PANK2: variants seen among roughly 807,000 people sequenced by gnomAD.
The protein encoded by PANK2 is pantothenate kinase 2.
Under a neutral mutation model 43.1 loss-of-function variants are expected in PANK2, and 36 were observed. The observed-to-expected ratio is 0.84, with a 90% confidence interval of 0.64 to 1.10. The LOEUF (loss-of-function observed/expected upper bound fraction) is 1.10, where lower values mean the gene tolerates loss of function less well. PANK2 is among the 50% of genes least tolerant of loss of function. The pLI, the probability that PANK2 is intolerant of heterozygous loss-of-function variation, is 0.00. For missense variants in PANK2, 576 were observed against 593.3 expected (o/e 0.97, Z 0.30); for synonymous variants, 281 against 238.2 (o/e 1.18, Z -1.66).
In PANK2 at chr20:3,910,634, T is replaced by C. The variant is rs761920040; in HGVS notation, c.709T>C (p.Leu237=). ...ACTAGATTGCTTGATCAAAGGAATT[T>C]TATACATTGACTCAGTCGGATTCAA... is the stretch of plus-strand genomic sequence containing the variant. Residue 237 remains leucine (L), a synonymous_variant, in exon 3 of 7, where the codon TTA becomes CTA. Coordinates refer to ENST00000610179, the MANE Select transcript of PANK2 (RefSeq NM_001386393.1). The C allele has an allele frequency of 1.2e-6, 2 of 1,614,148 alleles. No individual in the cohort carries two copies. The highest frequency in any genetic ancestry group is 1.7e-6 in the Non-Finnish European group (2 of 1,180,008).
chr20:3,891,331 G>C (rs1600484060), intron 1 of PANK2: 1 of 152,318 alleles, frequency 6.6e-6, no homozygotes, highest in East Asian at 1.9e-4. Flanking sequence ...AAAGTGCTGG[G>C]ATATAGACGG....
chr20:3,901,484 T>G, intron 1 of PANK2: 1 of 434,874 alleles, frequency 2.3e-6, no homozygotes, highest in Non-Finnish European at 3.1e-6. Context: ...ACATTTAAAC[T>G]ATCACTTCTA....
At chr20:3,892,390 T>G (rs2090137070) in intron 1 of PANK2, among the ~76,000 whole-genome samples, 1 of 151,484 alleles carries the variant, frequency 6.6e-6, no homozygotes. Flanking sequence ...TGCCGAACCC[T>G]CCTAGAGTAT....
intron 1 of PANK2, among the ~76,000 whole-genome samples, chr20:3,897,716 G>A (rs911111632): frequency 2.0e-5 from 3 of 151,806 alleles, no homozygotes; most frequent in African/African-American, 4.8e-5. Context: ...AAACAAAAAC[G>A]AAAACAAAAC....
chr20:3,912,421 A>G, intron 3 of PANK2, 37 bp from the exon 4 acceptor site: 1 of 1,605,232 alleles, frequency 6.2e-7, no homozygotes, highest in East Asian at 2.2e-5. Flanking sequence ...TATTTTTAAA[A>G]ATGTTATAAT....
At position 3,891,407 on chromosome 20, in the gene PANK2, C is replaced by T. The variant is rs189612751; in HGVS notation, c.298+1679C>T. 246 of 152,214 alleles carry T rather than the reference C, an allele frequency of 1.6e-3. 2 individuals carry two copies. The highest frequency in any genetic ancestry group is 5.9e-3 in the African/African-American group (243 of 41,518). The allele number at this position is 152,214 out of a possible 1,614,324, so 9.4% of individuals were successfully genotyped here. A position where few individuals can be genotyped will look rare whatever the true frequency, so the allele number is the denominator to read the frequency against. On this transcript the variant is annotated intron_variant, in intron 1 of 6. Transcript: ENST00000610179. ...TTGGTAACTCATTAGCCTCGTGGCT[C>T]TGAGGTAGGTGGTAGTATTCCATTT...
At chr20:3,896,156 G>A (rs1337122323) in intron 1 of PANK2, among the ~76,000 whole-genome samples, 1 of 151,666 alleles carries the variant, frequency 6.6e-6, no homozygotes, top group Non-Finnish European at 1.5e-5. Flanking sequence ...CCTTCTCCTG[G>A]GTTCATGCCC....
chr20:3,905,967 C>A (rs368948638), intron 1 of PANK2, among the ~76,000 whole-genome samples: 31 of 152,076 alleles, frequency 2.0e-4, no homozygotes, highest in East Asian at 9.7e-4. Flanking sequence ...CTGCCCTCCT[C>A]ATCCTCCCAA....
chr20:3,916,954 G>T lies in PANK2; in HGVS notation c.1110G>T (p.Lys370Asn). ...TTGGAAACATGATGAGCAAGGAGAA[G>T]CGAGAGGCTGTCAGTAAAGAGGACC... The change falls in exon 5 of 7, where the codon AAG becomes AAT. Residue 370 changes from lysine (K) to asparagine (N), a missense_variant. By Grantham distance (94) the Lys-to-Asn change is moderately conservative. Transcript: ENST00000610179. 6.2e-7 allele frequency: 1 copy of T among 1,614,102 alleles called. No homozygotes were observed. Among genetic ancestry groups the T allele is most frequent in the Non-Finnish European group, 8.5e-7 (1 of 1,180,016 alleles).
chr20:3,889,680 A>C lies in PANK2; in HGVS notation c.250A>C (p.Thr84Pro). Residue 84 changes from threonine (T) to proline (P), a missense_variant, in exon 1 of 7, where the codon ACC (threonine) becomes CCC (proline). This residue lies in a region of PANK2 where 544 missense variants were observed against 528.9 expected (regional missense o/e 1.03). Transcript: ENST00000610179. ...TCGACTGGGCTCTTACAGCGGCCCC[A>C]CCTCGGTCTCCCGCCAGCGCGTCGA... is the stretch of plus-strand genomic sequence containing the variant. 6.3e-7 allele frequency: 1 copy of C among 1,592,604 alleles called. No homozygotes were observed. Among genetic ancestry groups the C allele is most frequent in the South Asian group, 1.1e-5 (1 of 90,226 alleles).
chr20:3,902,972 GACACAC>G (rs11468265), intron 1 of PANK2, among the ~76,000 whole-genome samples: 25,281 of 141,202 alleles, frequency 0.18, 2,233 homozygotes, highest in Middle Eastern at 0.23. Flanking sequence ...GATGTGTATA[GACACAC>G]ACACACACAC....
At chr20:3,920,869 C>T (rs2090635763) in intron 6 of PANK2, among the ~76,000 whole-genome samples, 4 of 152,032 alleles carry the variant, frequency 2.6e-5, no homozygotes, top group African/African-American at 9.7e-5. Flanking sequence ...AAACACCAAA[C>T]CGATATCATC....
rs1135401789 is a variant in PANK2, at chr20:3,910,831, G to C, written c.905+1G>C. ...ATTACAAACGGGTCACAGGTACTAGGTAAGTTGTATATAAAACTCACTGTT... is the reference window on the plus strand; with the variant it reads ...ATTACAAACGGGTCACAGGTACTAGCTAAGTTGTATATAAAACTCACTGTT... On this transcript the variant is annotated splice_donor_variant, in intron 3 of 6. Transcript: ENST00000610179. LOFTEE classifies it high-confidence loss of function. 2 of 1,613,956 alleles carry C rather than the reference G, an allele frequency of 1.2e-6. No individual in the cohort carries two copies. Among genetic ancestry groups the C allele is most frequent in the Non-Finnish European group, 1.7e-6 (2 of 1,179,982 alleles).
chr20:3,903,004 CACACA>C (rs2090327320), intron 1 of PANK2, among the ~76,000 whole-genome samples: 4 of 150,562 alleles, frequency 2.7e-5, no homozygotes, highest in African/African-American at 9.8e-5. Context: ...CACACACACA[CACACA>C]CACACACACC....
chr20:3,905,877 G>A (rs981962580), intron 1 of PANK2, among the ~76,000 whole-genome samples: 1 of 151,042 alleles, frequency 6.6e-6, no homozygotes, highest in Non-Finnish European at 1.5e-5. Context: ...CACCACGCCC[G>A]GCTAATTTTG....
intron 1 of PANK2, among the ~76,000 whole-genome samples, chr20:3,893,342 A>G (rs1205637738): frequency 6.6e-6 from 1 of 152,202 alleles, no homozygotes; most frequent in African/African-American, 2.4e-5. Context: ...ACTTTCCCTC[A>G]ACCTACCATT....
intron 1 of PANK2, among the ~76,000 whole-genome samples, chr20:3,897,009 A>T (rs925799085): frequency 3.8e-4 from 58 of 152,086 alleles, no homozygotes; most frequent in African/African-American, 1.3e-3. Context: ...GTCTTGAGGG[A>T]CTTAGCCCTC....
intron 4 of PANK2, among the ~76,000 whole-genome samples, chr20:3,913,174 C>G (rs1336620170): frequency 6.6e-6 from 1 of 151,978 alleles, no homozygotes; most frequent in East Asian, 1.9e-4. Flanking sequence ...CCCCCACAGC[C>G]CCTGCCAAAC....
chr20:3,889,504 G>A lies in PANK2; in HGVS notation c.74G>A (p.Arg25His). The change falls in exon 1 of 7, where the codon CGC (arginine) becomes CAC (histidine). Residue 25 changes from arginine to histidine, a missense_variant. Physicochemically the swap from Arg to His is conservative, Grantham distance 29. Coordinates refer to ENST00000610179, the MANE Select transcript of PANK2 (RefSeq NM_001386393.1). ...GGCCGGCTCGGCGCGCCCATGGAGC[G>A]CCACGGCAGGGCTTCCGCCACCTCC... 2 of 1,457,730 alleles carry A rather than the reference G, an allele frequency of 1.4e-6. No individual in the cohort carries two copies. The highest frequency in any genetic ancestry group is 1.8e-6 in the Non-Finnish European group (2 of 1,115,228). The allele number at this position is 1,457,730 out of a possible 1,614,324, so 90.3% of individuals were successfully genotyped here. A position where few individuals can be genotyped will look rare whatever the true frequency, so the allele number is the denominator to read the frequency against.
Sources: gnomAD v4.1 joint callset for allele counts (sites outside exome capture counted in the v4.1 genomes callset) on GRCh38, gnomAD v4.1.1 for gene constraint, gnomAD v4.1.1 regional missense constraint, MANE v1.5 for transcripts, NCBI Gene and HGNC (gene_info 2026-07-23, HGNC 2026-07-21) for gene names.